ODAM: variants seen among roughly 807,000 people sequenced by gnomAD.
ODAM encodes odontogenic ameloblast-associated protein.
Under a neutral mutation model 48.5 loss-of-function variants are expected in ODAM, and 55 were observed. That is an observed-to-expected ratio of 1.13 (90% CI 0.91 to 1.42). The LOEUF (loss-of-function observed/expected upper bound fraction) is 1.42, where lower values mean the gene tolerates loss of function less well. Among genes scored for constraint, ODAM ranks in the 40% most tolerant of loss-of-function variants. The pLI, the probability that ODAM is intolerant of heterozygous loss-of-function variation, is 0.00. For synonymous variants in ODAM, 127 were observed against 107.8 expected, an observed-to-expected ratio of 1.18 and a Z score of -1.10; for missense variants, 353 against 323.6, an observed-to-expected ratio of 1.09 and a Z score of -0.70.
chr4:70,199,654 C>G (rs769836024), intron 6 of ODAM, among the ~76,000 whole-genome samples: 26 of 151,916 alleles, frequency 1.7e-4, no homozygotes, highest in Non-Finnish European at 3.7e-4. Context: ...CTGAACCCTA[C>G]CCCAGTGAAT....
chr4:70,202,859 C>A lies in ODAM; in HGVS notation c.752C>A (p.Thr251Asn). The A allele has an allele frequency of 6.2e-7, 1 of 1,612,304 alleles. No individual in the cohort carries two copies. The highest frequency in any genetic ancestry group is 8.5e-7 in the Non-Finnish European group (1 of 1,179,006). ...TCAACTTCACCAAAACCCAGCACAA[C>A]CAATGTTTTCACTTCTGCTGTAGAC... Reference protein sequence around the residue: ...MPSTSPKPSTTNVFTSAVDQT... With the variant: ...MPSTSPKPSTNNVFTSAVDQT... Residue 251 changes from threonine (T) to asparagine (N), a missense_variant, in exon 10 of 12, where the codon ACC becomes AAC. Transcript: ENST00000683306.
chr4:70,202,463 T>G (rs1729521242), intron 9 of ODAM, 134 bp downstream of exon 9: 11 of 783,458 alleles, frequency 1.4e-5, no homozygotes, highest in Non-Finnish European at 2.1e-5. Context: ...CTTACAATAT[T>G]TTGCCAGTAA....
chr4:70,197,886 T>C, intron 4 of ODAM, 38 bp from the exon 5 acceptor site: 1 of 1,548,518 alleles, frequency 6.5e-7, no homozygotes, highest in Non-Finnish European at 8.9e-7. Flanking sequence ...CTTTTTGGCA[T>C]GAAGGGAACA....
intron 6 of ODAM, among the ~76,000 whole-genome samples, chr4:70,199,843 C>A (rs771841768): frequency 2.6e-5 from 4 of 151,910 alleles, no homozygotes; most frequent in Non-Finnish European, 5.9e-5. Flanking sequence ...AAACAGCATA[C>A]AAAAATTAAC....
chr4:70,197,926 C>G lies in ODAM; in HGVS notation c.144C>G (p.Gly48=). The part of the protein sequence containing the change: ...NGQLLPLQLQ[G]PLNSWIPPFS... ...TTCTTTCCTTTGTGTCTTTTTAGGG[C>G]CCACTTAATTCATGGATTCCACCTT... is the stretch of plus-strand genomic sequence containing the variant. Residue 48 remains glycine, a splice_region_variant and synonymous_variant, in exon 5 of 12, where the codon GGC becomes GGG. Coordinates refer to ENST00000683306, the MANE Select transcript of ODAM (RefSeq NM_017855.4). The G allele has an allele frequency of 6.2e-7, 1 of 1,611,444 alleles. No individual in the cohort carries two copies. The highest frequency in any genetic ancestry group is 2.2e-5 in the East Asian group (1 of 44,790).
At chr4:70,200,659 G>T in intron 7 of ODAM, 58 bp downstream of exon 7, 1 of 1,136,984 alleles carries the variant, frequency 8.8e-7, no homozygotes, top group South Asian at 1.4e-5. Flanking sequence ...GAGAAAATAA[G>T]GTATATTACC....
chr4:70,198,226 A>T (rs1439130388), intron 5 of ODAM, 69 bp downstream of exon 5: 1 of 1,318,242 alleles, frequency 7.6e-7, no homozygotes, highest in Non-Finnish European at 1.1e-6. Context: ...AATGAATATG[A>T]ATCAGCTTTG....
chr4:70,196,421 T>C, intron 1 of ODAM, 108 bp from the exon 2 acceptor site: 1 of 563,130 alleles, frequency 1.8e-6, no homozygotes. Context: ...TGTAAGTAAA[T>C]ACTATAGAAT....
intron 3 of ODAM, among the ~76,000 whole-genome samples, 179 bp from the exon 4 acceptor site, chr4:70,197,095 C>T (rs775490697): frequency 2.0e-5 from 3 of 151,988 alleles, no homozygotes; most frequent in Non-Finnish European, 4.4e-5. Context: ...AAATCCCAAC[C>T]TTGTTTTAAA....
chr4:70,202,663 G>T, intron 9 of ODAM, 93 bp from the exon 10 acceptor site: 1 of 888,952 alleles, frequency 1.1e-6, no homozygotes. Flanking sequence ...TAATGCTTTT[G>T]TTACATCTCA....
intron 5 of ODAM, 24 bp downstream of exon 5, chr4:70,198,181 G>T: frequency 6.3e-7 from 1 of 1,581,366 alleles, no homozygotes; most frequent in South Asian, 1.1e-5. Context: ...CTTTCATTTT[G>T]TTCTGAGGAG....
chr4:70,200,030 T>C, intron 6 of ODAM: 1 of 406,702 alleles, frequency 2.5e-6, no homozygotes, highest in South Asian at 1.8e-5. Context: ...TCCTAAAATA[T>C]ATATGGATTA....
Position 70,196,679 on chromosome 4 carries a change from T to C in ODAM, c.52-13T>C, listed in dbSNP as rs1729372582. 4 of 1,607,236 alleles carry C rather than the reference T, an allele frequency of 2.5e-6. No individual in the cohort carries two copies. The highest frequency in any genetic ancestry group is 2.2e-5 in the East Asian group (1 of 44,642). On this transcript the variant is annotated splice_polypyrimidine_tract_variant and intron_variant, in intron 2 of 11. Transcript: ENST00000683306. ...TTTACTATTTCTGATTTTTTTTTCA[T>C]TTTTACTTTTAGCTTATCCCACAGC...
At chr4:70,198,661 G>T (rs1277086107) in intron 6 of ODAM, 35 bp downstream of exon 6, 1 of 1,526,834 alleles carries the variant, frequency 6.5e-7, no homozygotes, top group Admixed American at 1.7e-5. Context: ...CATAGAGATG[G>T]CTACATACAC....
At position 70,203,664 on chromosome 4, in the gene ODAM, A is replaced by G. The variant is rs114323868; in HGVS notation, c.*29+450A>G. On this transcript the variant is annotated intron_variant, in intron 11 of 11. Transcript: ENST00000683306. Reference sequence around the variant, plus strand: ...ATTCCATGACTTTTATATCAGACATAATCTTGAACTAATTACCTGTTTTAA... The same window carrying G: ...ATTCCATGACTTTTATATCAGACATGATCTTGAACTAATTACCTGTTTTAA... 1.7e-3 allele frequency among the ~76,000 whole-genome samples: 252 copies of G among 152,112 alleles called. 1 individual carries two copies. The highest frequency in any genetic ancestry group is 5.9e-3 in the African/African-American group (243 of 41,538).
rs1172050126 is a variant in ODAM, at chr4:70,202,851, C to A, written c.744C>A (p.Pro248=). Residue 248 remains proline, a synonymous_variant, in exon 10 of 12, where the codon CCC becomes CCA. Transcript: ENST00000683306. The part of the protein sequence containing the change: ...GVFMPSTSPK[P]STTNVFTSAV... Reference sequence around the variant, plus strand: ...TCATGCCCTCAACTTCACCAAAACCCAGCACAACCAATGTTTTCACTTCTG... The same window carrying A: ...TCATGCCCTCAACTTCACCAAAACCAAGCACAACCAATGTTTTCACTTCTG... 3 of 1,612,324 alleles carry A rather than the reference C, an allele frequency of 1.9e-6. No homozygotes were observed. Among genetic ancestry groups the A allele is most frequent in the Non-Finnish European group, 2.5e-6 (3 of 1,179,028 alleles).
intron 6 of ODAM, chr4:70,200,194 A>G: frequency 2.5e-6 from 1 of 402,786 alleles, no homozygotes; most frequent in Non-Finnish European, 4.6e-6. Flanking sequence ...TTTGCAAAGT[A>G]ATTTGTATAT....
At chr4:70,197,769 T>A in intron 4 of ODAM, 155 bp from the exon 5 acceptor site, 1 of 639,706 alleles carries the variant, frequency 1.6e-6, no homozygotes, top group Admixed American at 3.0e-5. Context: ...TATTATTTGC[T>A]TGGTTCAAAA....
intron 6 of ODAM, chr4:70,199,970 G>T: frequency 3.2e-6 from 1 of 316,372 alleles, no homozygotes; most frequent in Non-Finnish European, 6.0e-6. Context: ...AGGTGGGGAA[G>T]TTTCAGATGA....
Sources: gnomAD v4.1 joint callset for allele counts (sites outside exome capture counted in the v4.1 genomes callset) on GRCh38, gnomAD v4.1.1 for gene constraint, MANE v1.5 for transcripts, NCBI Gene and HGNC (gene_info 2026-07-23, HGNC 2026-07-21) for gene names.